Variants in RORB observed in about 807,000 individuals in gnomAD.
RORB encodes RAR related orphan receptor B, also known as nuclear receptor ROR-beta.
Under a neutral mutation model 59.1 loss-of-function variants are expected in RORB, and 6 were observed. The observed-to-expected ratio is 0.10, with a 90% CI of 0.06 to 0.20. The LOEUF (loss-of-function observed/expected upper bound fraction) is 0.20. Ranked by LOEUF, RORB falls within the 10% of genes least tolerant of loss-of-function variation. The probability of loss-of-function intolerance (pLI) is 1.00; values close to 1 mark genes in which losing one functional copy is unlikely to be tolerated. For synonymous variants in RORB, 215 were observed against 204.5 expected, an observed-to-expected ratio of 1.05 and a Z score of -0.44; for missense variants, 320 against 560.5, an observed-to-expected ratio of 0.57 and a Z score of 4.33.
rs116250807 is a variant in RORB at position 74,550,146 on chromosome 9, T to A, written c.7+52163T>A. Among the ~76,000 whole-genome samples, 731 of 152,352 alleles carry A rather than the reference T, an allele frequency of 4.8e-3. 8 individuals are homozygous for A. The highest frequency in any genetic ancestry group is 0.017 in the African/African-American group (708 of 41,578). ...CTTAAGTATTGTAAAATATTTTATG[T>A]TGTACCACTGTTAAATAATTTGATA... is the stretch of plus-strand genomic sequence containing the variant. On this transcript the variant is annotated intron_variant, in intron 1 of 9. Coordinates refer to ENST00000376896, the MANE Select transcript of RORB (RefSeq NM_006914.4).
At chr9:74,544,351 C>G (rs1486247814) in intron 1 of RORB, among the ~76,000 whole-genome samples, 1 of 152,184 alleles carries the variant, frequency 6.6e-6, no homozygotes, top group African/African-American at 2.4e-5. Context: ...CCAGAGACCA[C>G]AGGATGTCTA....
In RORB at chr9:74,497,794, TAGC is replaced by T; in HGVS notation, c.-182_-180del. ...ACCACCAACATCAAAACTGTTAACATAGCGGCGGCGGCGGCAAACGTCACCCTG... is the reference window on the plus strand; with the variant it reads ...ACCACCAACATCAAAACTGTTAACATGGCGGCGGCGGCAAACGTCACCCTG... On this transcript the variant is annotated 5_prime_UTR_variant, in exon 1 of 10. The change creates a new upstream start codon in the 5' untranslated region. Coordinates refer to ENST00000376896, the MANE Select transcript of RORB (RefSeq NM_006914.4). The T allele has an allele frequency of 1.6e-6, 1 of 619,854 alleles. No individual in the cohort carries two copies. The highest frequency in any genetic ancestry group is 2.9e-6 in the Non-Finnish European group (1 of 345,746). 38.4% of individuals were successfully genotyped at this position (619,854 alleles called of 1,614,324 possible). A position where few individuals can be genotyped will look rare whatever the true frequency, so the allele number is the denominator to read the frequency against.
At chr9:74,579,877 C>T (rs548375450) in intron 1 of RORB, among the ~76,000 whole-genome samples, 30 of 152,256 alleles carry the variant, frequency 2.0e-4, no homozygotes, top group African/African-American at 7.0e-4. Context: ...CAGTAGTTCC[C>T]TCTTATCCAC....
chr9:74,615,472 T>C, intron 1 of RORB: 2 of 241,044 alleles, frequency 8.3e-6, no homozygotes, highest in South Asian at 8.3e-5. Context: ...CTTTAACTCC[T>C]CTTTCATTTA....
At chr9:74,609,307 C>A (rs924520154) in intron 1 of RORB, among the ~76,000 whole-genome samples, 1 of 152,194 alleles carries the variant, frequency 6.6e-6, no homozygotes, top group African/African-American at 2.4e-5. Flanking sequence ...ACAGAACCCT[C>A]TTCTAATGCT....
intron 1 of RORB, among the ~76,000 whole-genome samples, chr9:74,555,813 G>A (rs554567710): frequency 6.6e-6 from 1 of 152,160 alleles, no homozygotes; most frequent in Admixed American, 6.5e-5. Flanking sequence ...TCTTGACATG[G>A]TAGTTTGCAT....
intron 3 of RORB, among the ~76,000 whole-genome samples, chr9:74,636,326 G>A (rs1035515018): frequency 3.9e-5 from 6 of 152,060 alleles, no homozygotes; most frequent in African/African-American, 9.7e-5. Flanking sequence ...TAAGCCATAG[G>A]GTATTTGATT....
rs1301933975 is a variant in RORB at position 74,690,621 on chromosome 9, G to A, written c.*5003G>A. 6.6e-6 allele frequency: 1 copy of A among 152,190 alleles called. No homozygotes were observed. Among genetic ancestry groups the A allele is most frequent in the African/African-American group, 2.4e-5 (1 of 41,442 alleles). The allele number at this position is 152,190 out of a possible 1,614,324, so 9.4% of individuals were successfully genotyped here. ...CGCATCTGGGGCCAGCTCAACTGCA[G>A]CAAGTCTGGTCAGATTCAACCCTGG... On this transcript the variant is annotated 3_prime_UTR_variant, in exon 10 of 10. Coordinates refer to ENST00000376896, the MANE Select transcript of RORB (RefSeq NM_006914.4).
intron 9 of RORB, among the ~76,000 whole-genome samples, chr9:74,673,394 G>T (rs1824381870): frequency 1.3e-5 from 2 of 152,148 alleles, no homozygotes; most frequent in South Asian, 4.2e-4. Flanking sequence ...TCGCTATTCT[G>T]CTTGCTTGGG....
chr9:74,520,429 G>A (rs1826068986), intron 1 of RORB, among the ~76,000 whole-genome samples: 1 of 151,892 alleles, frequency 6.6e-6, no homozygotes, highest in Admixed American at 6.6e-5. Context: ...CTTATGTTCT[G>A]CATCGGCTAG....
At chr9:74,505,395 A>G (rs1484249547) in intron 1 of RORB, among the ~76,000 whole-genome samples, 1 of 152,126 alleles carries the variant, frequency 6.6e-6, no homozygotes, top group East Asian at 1.9e-4. Context: ...TAAAAAGAAT[A>G]AGCTCAAAGA....
chr9:74,554,352 T>C (rs1642871399), intron 1 of RORB, among the ~76,000 whole-genome samples: 2 of 152,148 alleles, frequency 1.3e-5, no homozygotes, highest in South Asian at 4.2e-4. Flanking sequence ...CCAATCATCA[T>C]TGCTTTTTGT....
intron 1 of RORB, among the ~76,000 whole-genome samples, chr9:74,532,841 CAT>C (rs1554664995): frequency 2.2e-5 from 3 of 134,214 alleles, no homozygotes; most frequent in Non-Finnish European, 5.1e-5. Context: ...TATATATACA[CAT>C]ATATATACAC....
chr9:74,578,612 T>C (rs2118250403), intron 1 of RORB, among the ~76,000 whole-genome samples: 1 of 152,276 alleles, frequency 6.6e-6, no homozygotes, highest in South Asian at 2.1e-4. Flanking sequence ...AAATGAATTC[T>C]TTAAATTGTG....
In RORB at chr9:74,685,459, G is replaced by A. The variant is rs774246940; in HGVS notation, c.1225-4G>A. 9 of 1,606,150 alleles carry A rather than the reference G, an allele frequency of 5.6e-6. No homozygotes were observed. The African/African-American group carries it at 6.7e-5, about 12-fold the overall frequency. On this transcript the variant is annotated splice_polypyrimidine_tract_variant and splice_region_variant and intron_variant, in intron 9 of 9. Transcript: ENST00000376896. ...ATCTCCCTCTCTGTCTCTCCGTTCTGCAGTTAATAGCCAAGATACCAACCA... is the reference window on the plus strand; with the variant it reads ...ATCTCCCTCTCTGTCTCTCCGTTCTACAGTTAATAGCCAAGATACCAACCA...
At chr9:74,652,927 T>C (rs1233410786) in intron 4 of RORB, among the ~76,000 whole-genome samples, 3 of 152,220 alleles carry the variant, frequency 2.0e-5, no homozygotes, top group African/African-American at 7.2e-5. Flanking sequence ...ATTACTGTTT[T>C]AAGCTTAAAT....
At chr9:74,599,001 T>C (rs761136413) in intron 1 of RORB, among the ~76,000 whole-genome samples, 2 of 152,042 alleles carry the variant, frequency 1.3e-5, no homozygotes, top group African/African-American at 2.4e-5. Context: ...TTGTGAAATC[T>C]CTCTCACGAC....
chr9:74,606,546 C>T (rs1432823761), intron 1 of RORB, among the ~76,000 whole-genome samples: 2 of 152,186 alleles, frequency 1.3e-5, no homozygotes, highest in African/African-American at 4.8e-5. Context: ...GACAAATTTC[C>T]TTCTACAAAC....
Position 74,503,816 on chromosome 9 carries a change from C to T in RORB, c.7+5833C>T, listed in dbSNP as rs151057521. Among the ~76,000 whole-genome samples the T allele has an allele frequency of 2.5e-3, 378 of 151,984 alleles. 2 individuals carry two copies. Among genetic ancestry groups the T allele is most frequent in the Non-Finnish European group, 3.6e-3 (247 of 67,870 alleles). Reference sequence around the variant, plus strand: ...TCTGATGAATAGAAATGAGATTTACCAGTGCACCAATATAATAGGCTATGT... The same window carrying T: ...TCTGATGAATAGAAATGAGATTTACTAGTGCACCAATATAATAGGCTATGT... On this transcript the variant is annotated intron_variant, in intron 1 of 9. Transcript: ENST00000376896.
Sources: allele counts gnomAD v4.1 joint callset (sites outside exome capture counted in the v4.1 genomes callset), GRCh38; gene constraint gnomAD v4.1.1; transcripts MANE v1.5; gene names NCBI Gene and HGNC (gene_info 2026-07-23, HGNC 2026-07-21).